ERC1: variants seen among roughly 807,000 people sequenced by gnomAD.
ERC1 encodes ELKS/RAB6-interacting/CAST family member 1.
A neutral mutation model predicts 132.0 loss-of-function variants in ERC1; 56 were observed. That is an observed-to-expected ratio of 0.42 (90% CI 0.34 to 0.53). The LOEUF (loss-of-function observed/expected upper bound fraction) is 0.53. Ranked by LOEUF, ERC1 falls within the 20% of genes least tolerant of loss-of-function variation. The pLI is 0.03. For synonymous variants in ERC1, 478 were observed against 476.1 expected (o/e 1.00, Z -0.05); for missense variants, 1,202 against 1,349.9 (o/e 0.89, Z 1.72).
At chr12:1,213,237 C>A (rs1487342491) in intron 12 of ERC1, among the ~76,000 whole-genome samples, 1 of 152,092 alleles carries the variant, frequency 6.6e-6, no homozygotes, top group Non-Finnish European at 1.5e-5. Context: ...GGGAAAAACC[C>A]CATAGTGTCT....
In ERC1 at chr12:1,414,662, TTTC is replaced by T. The variant is rs148030420; in HGVS notation, c.3024+6421_3024+6423del. 1.1e-3 allele frequency among the ~76,000 whole-genome samples: 173 copies of T among 152,218 alleles called. 6 individuals are homozygous for T. The East Asian group carries it at 0.031, about 27-fold the overall frequency. On this transcript the variant is annotated intron_variant, in intron 17 of 18. Transcript: ENST00000360905. ...CACTCTCTATCCGTTTACTGTAAGT[TTTC>T]TTCTTTTTTCTTTCTCCTTTCTTCC...
intron 13 of ERC1, among the ~76,000 whole-genome samples, chr12:1,261,225 G>A (rs1390184495): frequency 1.3e-5 from 2 of 152,208 alleles, no homozygotes; most frequent in Non-Finnish European, 2.9e-5. Context: ...CTCAATTTTA[G>A]ATAATAGAAG....
chr12:1,246,823 C>T (rs2076183869), intron 13 of ERC1, among the ~76,000 whole-genome samples: 1 of 152,094 alleles, frequency 6.6e-6, no homozygotes, highest in South Asian at 2.1e-4. Flanking sequence ...AATTCTGGGA[C>T]ATTTTACGAC....
chr12:1,422,643 A>G (rs922374383), intron 17 of ERC1, among the ~76,000 whole-genome samples: 1 of 152,182 alleles, frequency 6.6e-6, no homozygotes, highest in Non-Finnish European at 1.5e-5. Flanking sequence ...AGTTGTAAAT[A>G]GTGCTGCACT....
chr12:1,161,935 A>C (rs552431818), intron 8 of ERC1, among the ~76,000 whole-genome samples: 39 of 152,228 alleles, frequency 2.6e-4, no homozygotes, highest in African/African-American at 9.2e-4. Flanking sequence ...CTGAGAAACT[A>C]TGTTATTTTG....
At chr12:1,002,005 T>C (rs1160532859) in intron 1 of ERC1, among the ~76,000 whole-genome samples, 2 of 151,328 alleles carry the variant, frequency 1.3e-5, no homozygotes, top group African/African-American at 4.9e-5. Context: ...GGATTACAGG[T>C]GCCCACCATC....
intron 1 of ERC1, among the ~76,000 whole-genome samples, chr12:1,025,480 G>A (rs1479389135): frequency 6.6e-6 from 1 of 152,094 alleles, no homozygotes; most frequent in African/African-American, 2.4e-5. Context: ...ACATAATTAA[G>A]TGTGTTGGTT....
intron 4 of ERC1, among the ~76,000 whole-genome samples, chr12:1,109,057 T>C (rs1945561946): frequency 7.0e-6 from 1 of 142,390 alleles, no homozygotes; most frequent in South Asian, 2.2e-4. Context: ...ACTTAATTTA[T>C]GCTCTTTAAG....
intron 12 of ERC1, among the ~76,000 whole-genome samples, chr12:1,190,359 CTA>C (rs1566193928): frequency 1.3e-5 from 2 of 152,096 alleles, no homozygotes; most frequent in Non-Finnish European, 2.9e-5. Flanking sequence ...GGACAAATGT[CTA>C]CTTTTTAATT....
chr12:1,333,959 G>T (rs73038635), intron 15 of ERC1, among the ~76,000 whole-genome samples: 1 of 151,940 alleles, frequency 6.6e-6, no homozygotes, highest in African/African-American at 2.4e-5. Flanking sequence ...TCTGACTGGT[G>T]TGAGATAATA....
intron 17 of ERC1, chr12:1,443,255 C>G (rs2093210720): frequency 6.6e-6 from 1 of 152,048 alleles, no homozygotes; most frequent in South Asian, 2.1e-4. Context: ...TTATATTTTT[C>G]TTTTTTCCCC....
chr12:1,111,841 A>T (rs907575631), intron 5 of ERC1, among the ~76,000 whole-genome samples: 6 of 152,180 alleles, frequency 3.9e-5, no homozygotes, highest in African/African-American at 1.4e-4. Context: ...TCCTGACCTC[A>T]AGTGATCCTC....
chr12:1,398,648 G>A (rs1296099997), intron 16 of ERC1, among the ~76,000 whole-genome samples: 3 of 152,202 alleles, frequency 2.0e-5, no homozygotes, highest in Admixed American at 2.0e-4. Context: ...TCTGTGTATG[G>A]TATGCTGCTA....
chr12:1,001,095 T>A (rs1267674338), intron 1 of ERC1, among the ~76,000 whole-genome samples: 1 of 152,096 alleles, frequency 6.6e-6, no homozygotes, highest in Non-Finnish European at 1.5e-5. Context: ...AGAGATGGAG[T>A]TTCACCATGT....
chr12:1,335,044 G>A (rs985726521), intron 15 of ERC1, among the ~76,000 whole-genome samples: 24 of 152,092 alleles, frequency 1.6e-4, no homozygotes, highest in African/African-American at 4.3e-4. Flanking sequence ...TGTTGGTGTA[G>A]AGGAATGCTA....
chr12:1,314,426 G>A (rs2081542781), intron 15 of ERC1, among the ~76,000 whole-genome samples: 1 of 152,088 alleles, frequency 6.6e-6, no homozygotes, highest in Non-Finnish European at 1.5e-5. Context: ...GTGGCAATAA[G>A]AATATAAAGA....
intron 18 of ERC1, among the ~76,000 whole-genome samples, chr12:1,487,719 A>G (rs1338030460): frequency 6.7e-6 from 1 of 150,066 alleles, no homozygotes; most frequent in Non-Finnish European, 1.5e-5. Flanking sequence ...CCCTGTCTCA[A>G]ATTAATAGAA....
chr12:1,253,779 T>A (rs963363813), intron 13 of ERC1, among the ~76,000 whole-genome samples: 10 of 152,156 alleles, frequency 6.6e-5, no homozygotes, highest in Admixed American at 6.5e-4. Flanking sequence ...GAGAGATGTA[T>A]TGGGAGTGGT....
At chr12:1,037,343 A>T (rs1969286490) in intron 2 of ERC1, among the ~76,000 whole-genome samples, 1 of 152,232 alleles carries the variant, frequency 6.6e-6, no homozygotes, top group African/African-American at 2.4e-5. Flanking sequence ...ATAGCATCTT[A>T]AATATAATTT....
Sources: gnomAD v4.1 joint callset for allele counts (sites outside exome capture counted in the v4.1 genomes callset) on GRCh38, gnomAD v4.1.1 for gene constraint, MANE v1.5 for transcripts, NCBI Gene and HGNC (gene_info 2026-07-23, HGNC 2026-07-21) for gene names.